LCORL: variants seen among roughly 807,000 people sequenced by gnomAD.
LCORL encodes the protein ligand-dependent nuclear receptor corepressor-like protein.
Under a neutral mutation model 141.8 loss-of-function variants are expected in LCORL, and 41 were observed. The observed-to-expected ratio is 0.29, with a 90% CI of 0.23 to 0.38. The LOEUF is 0.38. Ranked by LOEUF, LCORL falls within the 10% of genes least tolerant of loss-of-function variation. LCORL has a pLI of 1.00. For missense variants in LCORL, 1,759 were observed against 2,035.0 expected, an observed-to-expected ratio of 0.86 and a Z score of 2.61; for synonymous variants, 618 against 694.1, an observed-to-expected ratio of 0.89 and a Z score of 1.72.
intron 1 of LCORL, among the ~76,000 whole-genome samples, chr4:17,998,003 A>T (rs962372589): frequency 2.6e-5 from 4 of 152,238 alleles, no homozygotes; most frequent in Admixed American, 2.6e-4. Flanking sequence ...TGCTAACATC[A>T]GAGTGTACTT....
chr4:18,014,085 G>A (rs1037052421), intron 1 of LCORL, among the ~76,000 whole-genome samples: 1 of 152,154 alleles, frequency 6.6e-6, no homozygotes, highest in Non-Finnish European at 1.5e-5. Flanking sequence ...TAGGATTACA[G>A]GGATGGGCCA....
chr4:17,891,159 T>C (rs1476215297), intron 5 of LCORL, among the ~76,000 whole-genome samples: 1 of 152,192 alleles, frequency 6.6e-6, no homozygotes, highest in African/African-American at 2.4e-5. Context: ...CTACAAACAT[T>C]ACATGTCTTA....
chr4:18,016,178 A>G (rs1400568457), intron 1 of LCORL, among the ~76,000 whole-genome samples: 2 of 90,710 alleles, frequency 2.2e-5, no homozygotes, highest in Non-Finnish European at 4.1e-5. Context: ...TAAACCAATC[A>G]TACTAGCAAA....
At chr4:18,013,296 G>T (rs1724096159) in intron 1 of LCORL, among the ~76,000 whole-genome samples, 1 of 152,164 alleles carries the variant, frequency 6.6e-6, no homozygotes, top group Admixed American at 6.5e-5. Flanking sequence ...TCACCTACTA[G>T]TTATACTATC....
chr4:17,983,835 T>G (rs1324820625), intron 1 of LCORL, among the ~76,000 whole-genome samples: 2 of 152,174 alleles, frequency 1.3e-5, no homozygotes, highest in Admixed American at 6.5e-5. Context: ...AGGATATCCT[T>G]GTCATGTGCC....
intron 1 of LCORL, among the ~76,000 whole-genome samples, chr4:17,999,015 T>TAC (rs1560464435): frequency 8.9e-6 from 1 of 112,496 alleles, no homozygotes; most frequent in Non-Finnish European, 1.8e-5. Flanking sequence ...CACACATATA[T>TAC]ATATATATAT....
intron 7 of LCORL, among the ~76,000 whole-genome samples, chr4:17,865,988 T>TG (rs1254001439): frequency 2.0e-5 from 3 of 152,324 alleles, no homozygotes; most frequent in Admixed American, 2.0e-4. Flanking sequence ...CCGCCCTAAG[T>TG]GCAATGGGGA....
chr4:17,994,677 C>A (rs1720613143), intron 1 of LCORL, among the ~76,000 whole-genome samples: 1 of 151,806 alleles, frequency 6.6e-6, no homozygotes, highest in Non-Finnish European at 1.5e-5. Context: ...ATTCATTTAA[C>A]AAAGATTTCC....
intron 4 of LCORL, among the ~76,000 whole-genome samples, chr4:17,938,406 A>T: frequency 6.9e-6 from 1 of 145,582 alleles, no homozygotes; most frequent in African/African-American, 2.6e-5. Context: ...TCATTTTGTA[A>T]CTGTTTCTTT....
Position 17,884,404 on chromosome 4 carries a change from G to A in LCORL, c.776+1664C>T, listed in dbSNP as rs1200141395. On this transcript the variant is annotated intron_variant, in intron 6 of 7. Transcript: ENST00000635767. This position sits in a 1 kb window ranked among gnomAD's most constrained non-coding sequence, Gnocchi z 4.4. ...GATGGAGGTAAGTGGAAGCTGTTGG[G>A]AATTTTATTTCTGAGGTTTCAAGTA... 1.9e-6 allele frequency: 3 copies of A among 1,549,148 alleles called. No individual in the cohort carries two copies. The African/African-American group carries it at 4.1e-5, about 21-fold the overall frequency.
chr4:17,898,720 C>A (rs913880302), intron 5 of LCORL, among the ~76,000 whole-genome samples: 2 of 145,480 alleles, frequency 1.4e-5, no homozygotes, highest in Non-Finnish European at 3.0e-5. Context: ...CTAACCAGGG[C>A]ACTACTGATG....
intron 1 of LCORL, among the ~76,000 whole-genome samples, chr4:18,018,487 C>A (rs914993642): frequency 2.0e-5 from 3 of 152,110 alleles, no homozygotes; most frequent in Non-Finnish European, 4.4e-5. Context: ...TGAACCAGAA[C>A]AGTAGTTAAA....
chr4:17,899,005 T>C (rs564831452), intron 5 of LCORL, among the ~76,000 whole-genome samples: 9 of 152,252 alleles, frequency 5.9e-5, no homozygotes, highest in African/African-American at 1.4e-4. Flanking sequence ...TGAATTCTTA[T>C]CAGTGTGACA....
intron 1 of LCORL, among the ~76,000 whole-genome samples, chr4:17,990,631 T>C (rs1022714584): frequency 6.0e-5 from 9 of 149,902 alleles, no homozygotes; most frequent in African/African-American, 2.0e-4. Flanking sequence ...ACATATTAAA[T>C]TCCCATCTTG....
At chr4:17,934,851 G>T (rs190658313) in intron 4 of LCORL, among the ~76,000 whole-genome samples, 1 of 152,092 alleles carries the variant, frequency 6.6e-6, no homozygotes, top group Admixed American at 6.5e-5. Flanking sequence ...AAGCATTCAC[G>T]AAACATGGTA....
chr4:17,975,223 C>A (rs13152352), intron 1 of LCORL, among the ~76,000 whole-genome samples: 36,100 of 152,012 alleles, frequency 0.24, 5,477 homozygotes, highest in African/African-American at 0.43. Flanking sequence ...ATAAATTCCC[C>A]TCTATTCACT....
intron 7 of LCORL, chr4:17,867,068 G>A (rs1342219461): frequency 1.4e-6 from 1 of 716,476 alleles, no homozygotes; most frequent in Non-Finnish European, 1.7e-6. Context: ...AATACAACTG[G>A]TGTTCATGGC....
chr4:18,004,863 A>C (rs1214398263), intron 1 of LCORL, among the ~76,000 whole-genome samples: 1 of 152,182 alleles, frequency 6.6e-6, no homozygotes, highest in African/African-American at 2.4e-5. Context: ...AAATGGGAGA[A>C]ATTGGCAAAA....
chr4:17,977,518 G>A (rs1717204283), intron 1 of LCORL, among the ~76,000 whole-genome samples: 1 of 152,130 alleles, frequency 6.6e-6, no homozygotes, highest in African/African-American at 2.4e-5. Context: ...GTTTTAATTT[G>A]TATTTCCCTA....
Sources: gnomAD v4.1 joint callset for allele counts (sites outside exome capture counted in the v4.1 genomes callset) on GRCh38, gnomAD v4.1.1 for gene constraint, Gnocchi (gnomAD v3.1) non-coding constraint, MANE v1.5 for transcripts, NCBI Gene and HGNC (gene_info 2026-07-23, HGNC 2026-07-21) for gene names.